The following DCC variants were observed in gnomAD, a reference collection of about 807,000 sequenced individuals.
DCC encodes the protein netrin receptor DCC.
Under a neutral mutation model 172.5 loss-of-function variants are expected in DCC, and 58 were observed. The observed-to-expected ratio is 0.34, with a 90% CI of 0.27 to 0.42. The LOEUF is 0.42. DCC is among the 10% of genes least tolerant of loss of function. The pLI is 1.00. For synonymous variants in DCC, 709 were observed against 644.5 expected, an observed-to-expected ratio of 1.10 and a Z score of -1.52; for missense variants, 1,740 against 1,791.0, an observed-to-expected ratio of 0.97 and a Z score of 0.51.
intron 5 of DCC, among the ~76,000 whole-genome samples, chr18:53,003,292 T>C (rs1372230282): frequency 6.6e-6 from 1 of 152,172 alleles, no homozygotes; most frequent in African/African-American, 2.4e-5. Context: ...AATCATTCGA[T>C]ACATAATTGA....
At chr18:52,747,310 G>T (rs1357802382) in intron 1 of DCC, among the ~76,000 whole-genome samples, 2 of 152,138 alleles carry the variant, frequency 1.3e-5, no homozygotes, top group Non-Finnish European at 2.9e-5. Context: ...ATGAAGCAAG[G>T]CTTGGAAATG....
At chr18:52,890,300 G>C (rs2039629993) in intron 2 of DCC, among the ~76,000 whole-genome samples, 1 of 151,938 alleles carries the variant, frequency 6.6e-6, no homozygotes, top group Non-Finnish European at 1.5e-5. Flanking sequence ...TTGAACACAG[G>C]GTTGGAGCCA....
chr18:53,336,115 T>C (rs2057588764), intron 14 of DCC, among the ~76,000 whole-genome samples: 1 of 152,134 alleles, frequency 6.6e-6, no homozygotes, highest in African/African-American at 2.4e-5. Flanking sequence ...TGCTCTTTGG[T>C]TTCAAATTAA....
chr18:53,217,955 T>G (rs1376384510), intron 12 of DCC, among the ~76,000 whole-genome samples: 1 of 152,018 alleles, frequency 6.6e-6, no homozygotes, highest in Non-Finnish European at 1.5e-5. Context: ...AGTGATCCTC[T>G]TGACTCAGAC....
intron 5 of DCC, among the ~76,000 whole-genome samples, chr18:52,958,405 TGA>T (rs897675003): frequency 3.8e-4 from 58 of 152,242 alleles, no homozygotes; most frequent in African/African-American, 1.3e-3. Flanking sequence ...TACTTGGATA[TGA>T]GAGAGAAGCC....
chr18:52,396,613 C>A (rs1428157183), intron 1 of DCC, among the ~76,000 whole-genome samples: 2 of 152,062 alleles, frequency 1.3e-5, no homozygotes, highest in Admixed American at 6.6e-5. Context: ...GTAGCTTTTA[C>A]AACTCTCACT....
chr18:53,429,222 A>G (rs1244038694), intron 21 of DCC, among the ~76,000 whole-genome samples: 2 of 54,658 alleles, frequency 3.7e-5, no homozygotes, highest in Non-Finnish European at 1.3e-4. Flanking sequence ...CTTGCAAAAA[A>G]TAATGCAGTA....
Position 53,179,134 on chromosome 18 carries a change from C to T in DCC, c.1573+18C>T, listed in dbSNP as rs116119601. 3,898 of 1,610,460 alleles carry T rather than the reference C, an allele frequency of 2.4e-3. 86 individuals carry two copies. The African/African-American group carries it at 0.047, about 19-fold the overall frequency. On this transcript the variant is annotated intron_variant, in intron 9 of 28. Transcript: ENST00000442544. ...GCCTGAGTGTGAGTATGAAAAGGAA[C>T]GGGCCACATTTAAAAAGTATTTATT...
At chr18:53,473,597 C>T (rs899330094) in intron 25 of DCC, among the ~76,000 whole-genome samples, 2 of 152,018 alleles carry the variant, frequency 1.3e-5, no homozygotes, top group Admixed American at 6.6e-5. Flanking sequence ...TTGGTAAATA[C>T]CTTGCTAATT....
chr18:53,042,644 C>T lies in DCC; in HGVS notation c.986-20661C>T, dbSNP rs184274251. On this transcript the variant is annotated intron_variant, in intron 5 of 28. Coordinates refer to ENST00000442544, the MANE Select transcript of DCC (RefSeq NM_005215.4). ...AAAAAAAACCCTCTCAAAAAGTGGG[C>T]GAAGTATATGAACAGACACTTTTCA... Among the ~76,000 whole-genome samples the T allele has an allele frequency of 1.7e-3, 257 of 151,852 alleles. 2 individuals carry two copies. Among genetic ancestry groups the T allele is most frequent in the Middle Eastern group, 3.4e-3 (1 of 294 alleles).
chr18:52,900,994 G>T (rs6508175), intron 2 of DCC, among the ~76,000 whole-genome samples: 39,791 of 152,130 alleles, frequency 0.26, 5,413 homozygotes, highest in Admixed American at 0.33. Flanking sequence ...ACAACAAAGT[G>T]TATTGAGTAC....
chr18:53,134,455 C>T (rs754539794), intron 7 of DCC, among the ~76,000 whole-genome samples: 6 of 152,124 alleles, frequency 3.9e-5, no homozygotes, highest in Non-Finnish European at 7.3e-5. Context: ...AACATACACT[C>T]CTCTCAAGAA....
chr18:52,987,316 A>C (rs889202422), intron 5 of DCC, among the ~76,000 whole-genome samples: 1 of 152,144 alleles, frequency 6.6e-6, no homozygotes, highest in Non-Finnish European at 1.5e-5. Flanking sequence ...CAAACAAACA[A>C]AAAACCCCAA....
intron 25 of DCC, chr18:53,480,889 G>T (rs561663277): frequency 1.8e-4 from 28 of 152,280 alleles, no homozygotes; most frequent in African/African-American, 6.5e-4. Context: ...GTATCTAAGA[G>T]CAGTTTAGCT....
At chr18:53,264,811 A>G (rs2056653413) in intron 12 of DCC, among the ~76,000 whole-genome samples, 2 of 152,144 alleles carry the variant, frequency 1.3e-5, no homozygotes, top group African/African-American at 2.4e-5. Context: ...ACAGAACAAT[A>G]TGCCATAAAG....
At chr18:53,429,427 G>T (rs11661221) in intron 21 of DCC, among the ~76,000 whole-genome samples, 7 of 151,110 alleles carry the variant, frequency 4.6e-5, no homozygotes, top group Non-Finnish European at 4.4e-5. Context: ...TGTAATAACT[G>T]TATGCTCACT....
chr18:52,937,430 C>T (rs200420359), intron 5 of DCC, among the ~76,000 whole-genome samples: 220 of 152,246 alleles, frequency 1.4e-3, no homozygotes, highest in Non-Finnish European at 1.9e-3. Context: ...ATTCAGTTCC[C>T]ATTTTCCACT....
intron 25 of DCC, among the ~76,000 whole-genome samples, chr18:53,484,884 C>A (rs766282569): frequency 6.6e-6 from 1 of 151,862 alleles, no homozygotes; most frequent in African/African-American, 2.4e-5. Context: ...GTAGTATGAA[C>A]CTTTCAACAA....
chr18:53,058,026 C>CT (rs1252005349), intron 5 of DCC, among the ~76,000 whole-genome samples: 1 of 151,992 alleles, frequency 6.6e-6, no homozygotes, highest in Non-Finnish European at 1.5e-5. Flanking sequence ...ATGTGAGCTG[C>CT]TTCTTGGAGA....
Sources: gnomAD v4.1 joint callset for allele counts (sites outside exome capture counted in the v4.1 genomes callset) on GRCh38, gnomAD v4.1.1 for gene constraint, MANE v1.5 for transcripts, NCBI Gene and HGNC (gene_info 2026-07-23, HGNC 2026-07-21) for gene names.